The following RAPGEF2 variants were observed in gnomAD, a reference collection of about 807,000 sequenced individuals.
RAPGEF2 encodes the protein Rap guanine nucleotide exchange factor 2.
Under a neutral mutation model 186.7 loss-of-function variants are expected in RAPGEF2, and 54 were observed. That is an observed-to-expected ratio of 0.29 (90% CI 0.23 to 0.36). The LOEUF is 0.36. Ranked by LOEUF, RAPGEF2 falls within the 10% of genes least tolerant of loss-of-function variation. The pLI, the probability that RAPGEF2 is intolerant of heterozygous loss-of-function variation, is 1.00. For synonymous variants in RAPGEF2, 712 were observed against 705.9 expected, an observed-to-expected ratio of 1.01 and a Z score of -0.14; for missense variants, 1,532 against 2,045.0, an observed-to-expected ratio of 0.75 and a Z score of 4.84.
At position 159,356,051 on chromosome 4, in the gene RAPGEF2, A is replaced by C. The variant is rs1731954954; in HGVS notation, c.4850A>C (p.His1617Pro). The change falls in exon 29 of 30, where the codon CAT (histidine) becomes CCT (proline). Residue 1617 changes from histidine (H) to proline (P), a missense_variant. Physicochemically the swap from His to Pro is moderately conservative, Grantham distance 77. Coordinates refer to ENST00000691494, the MANE Select transcript of RAPGEF2 (RefSeq NM_001394067.2). ...GPSSVQQPHG[H>P]PTSSRPVNKP... ...TCATCCGTACAGCAGCCACATGGGCATCCCACCAGCAGCAGGCCTGTGAAC... is the reference window on the plus strand; with the variant it reads ...TCATCCGTACAGCAGCCACATGGGCCTCCCACCAGCAGCAGGCCTGTGAAC... 5 of 1,614,184 alleles carry C rather than the reference A, an allele frequency of 3.1e-6. No individual in the cohort carries two copies. Among genetic ancestry groups the C allele is most frequent in the Non-Finnish European group, 4.2e-6 (5 of 1,180,042 alleles).
Position 159,165,404 on chromosome 4 carries a change from T to C in RAPGEF2, c.70-21238T>C, listed in dbSNP as rs12649122. On this transcript the variant is annotated intron_variant, in intron 1 of 29. Coordinates refer to ENST00000691494, the MANE Select transcript of RAPGEF2 (RefSeq NM_001394067.2). ...TTTAACTTGGAGGAAATCATTCAGATCGGATATGTTTTGGTAATTATTTTA... is the reference window on the plus strand; with the variant it reads ...TTTAACTTGGAGGAAATCATTCAGACCGGATATGTTTTGGTAATTATTTTA... 5.2e-4 allele frequency among the ~76,000 whole-genome samples: 79 copies of C among 152,352 alleles called. No homozygotes were observed. The East Asian group carries it at 0.014, about 27-fold the overall frequency.
chr4:159,191,791 C>G (rs1038875352), intron 2 of RAPGEF2, among the ~76,000 whole-genome samples: 1 of 152,042 alleles, frequency 6.6e-6, no homozygotes, highest in African/African-American at 2.4e-5. Context: ...AAAAGATTTT[C>G]TGTGATGGGA....
At chr4:159,350,057 A>C in intron 25 of RAPGEF2, 80 bp from the exon 26 acceptor site, 2 of 995,508 alleles carry the variant, frequency 2.0e-6, no homozygotes, top group Non-Finnish European at 1.4e-6. Flanking sequence ...ATCTTAACAC[A>C]AAAAAGTTTT....
intron 7 of RAPGEF2, among the ~76,000 whole-genome samples, chr4:159,246,934 C>T (rs994153600): frequency 3.9e-5 from 6 of 151,928 alleles, no homozygotes; most frequent in African/African-American, 1.5e-4. Flanking sequence ...TCACACCTGG[C>T]TATAATTTAT....
At chr4:159,339,948 A>G (rs1729158017) in intron 19 of RAPGEF2, among the ~76,000 whole-genome samples, 1 of 152,198 alleles carries the variant, frequency 6.6e-6, no homozygotes, top group African/African-American at 2.4e-5. Context: ...AAGTGCTTAT[A>G]TCACACGTTA....
At chr4:159,294,821 C>T (rs1256796234) in intron 7 of RAPGEF2, among the ~76,000 whole-genome samples, 1 of 152,100 alleles carries the variant, frequency 6.6e-6, no homozygotes, top group East Asian at 1.9e-4. Flanking sequence ...CCTCAGCCTC[C>T]CAAGTAGCTG....
intron 7 of RAPGEF2, among the ~76,000 whole-genome samples, chr4:159,275,433 T>G (rs1758730791): frequency 6.6e-6 from 1 of 152,182 alleles, no homozygotes; most frequent in Non-Finnish European, 1.5e-5. Flanking sequence ...TTTGTAATAT[T>G]GACTTGGTTT....
At chr4:159,179,011 A>G (rs538066599) in intron 1 of RAPGEF2, among the ~76,000 whole-genome samples, 2 of 152,330 alleles carry the variant, frequency 1.3e-5, no homozygotes, top group Admixed American at 6.5e-5. Flanking sequence ...TGGTTTATCA[A>G]TATCTTTGTC....
chr4:159,111,910 T>C (rs975703516), intron 1 of RAPGEF2, among the ~76,000 whole-genome samples: 12 of 152,168 alleles, frequency 7.9e-5, no homozygotes, highest in African/African-American at 2.4e-4. Context: ...ATCAGGATAT[T>C]GACATCAGTG....
At chr4:159,167,818 A>C (rs1261345257) in intron 1 of RAPGEF2, among the ~76,000 whole-genome samples, 1 of 152,232 alleles carries the variant, frequency 6.6e-6, no homozygotes, top group African/African-American at 2.4e-5. Context: ...GGCAAAGATC[A>C]GATTCCCAAA....
rs968242692 is a variant in RAPGEF2, at chr4:159,358,515, A to G, written c.*376A>G. The G allele has an allele frequency of 1.9e-5, 4 of 210,416 alleles. No individual in the cohort carries two copies. The highest frequency in any genetic ancestry group is 3.7e-5 in the Non-Finnish European group (4 of 107,122). The allele number at this position is 210,416 out of a possible 1,614,324, so 13.0% of individuals were successfully genotyped here. On this transcript the variant is annotated 3_prime_UTR_variant, in exon 30 of 30. Coordinates refer to ENST00000691494, the MANE Select transcript of RAPGEF2 (RefSeq NM_001394067.2). The stretch of plus-strand genomic sequence containing the variant: ...AAGGATTTTTTTTAATCTTCCTTTT[A>G]GATTTCAATCCAGTCCTAGCACTTG...
chr4:159,307,728 T>C (rs546049581), intron 8 of RAPGEF2, among the ~76,000 whole-genome samples: 78 of 152,286 alleles, frequency 5.1e-4, no homozygotes, highest in Non-Finnish European at 1.1e-3. Context: ...TCCCAGCATT[T>C]TGGGGGGCCA....
At chr4:159,140,259 A>G (rs1184403934) in intron 1 of RAPGEF2, among the ~76,000 whole-genome samples, 1 of 152,222 alleles carries the variant, frequency 6.6e-6, no homozygotes, top group Non-Finnish European at 1.5e-5. Context: ...AGATTCAGTA[A>G]TTTAGTATAG....
At chr4:159,140,366 A>C (rs1742176600) in intron 1 of RAPGEF2, among the ~76,000 whole-genome samples, 1 of 152,250 alleles carries the variant, frequency 6.6e-6, no homozygotes, top group Non-Finnish European at 1.5e-5. Flanking sequence ...GGAATCAAGC[A>C]AATAAACAGC....
At chr4:159,177,845 C>T (rs771466930) in intron 1 of RAPGEF2, among the ~76,000 whole-genome samples, 2 of 152,198 alleles carry the variant, frequency 1.3e-5, no homozygotes, top group South Asian at 2.1e-4. Context: ...TGCTAGTGAT[C>T]TTTTGCCCAA....
chr4:159,262,709 A>G (rs575385864), intron 7 of RAPGEF2, among the ~76,000 whole-genome samples: 1 of 152,294 alleles, frequency 6.6e-6, no homozygotes, highest in African/African-American at 2.4e-5. Flanking sequence ...AACATGCTCC[A>G]TGTGAATGTT....
chr4:159,353,735 C>G lies in RAPGEF2; in HGVS notation c.4340C>G (p.Ala1447Gly). 6.2e-7 allele frequency: 1 copy of G among 1,610,936 alleles called. No individual in the cohort carries two copies. The highest frequency in any genetic ancestry group is 8.5e-7 in the Non-Finnish European group (1 of 1,178,634). The part of the protein sequence containing the change: ...HTHFDYSGDP[A>G]GLWASSSHMD... ...CACTTTGATTATTCAGGGGATCCTG[C>G]AGGTTTATGGGCATCAAGCAGCCAT... Residue 1447 changes from alanine to glycine, a missense_variant, in exon 28 of 30, where the codon GCA becomes GGA. Around this residue, in one of 4 missense-constraint regions of RAPGEF2, gnomAD observed 594 missense variants for 608.5 expected, o/e 0.98. Coordinates refer to ENST00000691494, the MANE Select transcript of RAPGEF2 (RefSeq NM_001394067.2). This position sits in a 1 kb window ranked among gnomAD's most constrained non-coding sequence, Gnocchi z 4.3.
At chr4:159,330,042 A>G in intron 12 of RAPGEF2, 32 bp downstream of exon 12, 1 of 1,573,640 alleles carries the variant, frequency 6.4e-7, no homozygotes, top group South Asian at 1.2e-5. Context: ...TCCCAAGGAA[A>G]GGAATTTTTT....
intron 7 of RAPGEF2, among the ~76,000 whole-genome samples, chr4:159,290,544 A>G (rs1761064715): frequency 6.6e-6 from 1 of 152,200 alleles, no homozygotes; most frequent in Non-Finnish European, 1.5e-5. Context: ...CAGCAATAGA[A>G]TATTAAAAGT....
Sources: gnomAD v4.1 joint callset for allele counts (sites outside exome capture counted in the v4.1 genomes callset) on GRCh38, gnomAD v4.1.1 for gene constraint, gnomAD v4.1.1 regional missense constraint, Gnocchi (gnomAD v3.1) non-coding constraint, MANE v1.5 for transcripts, NCBI Gene and HGNC (gene_info 2026-07-23, HGNC 2026-07-21) for gene names.